Variants in GALNT13 observed in about 807,000 individuals in gnomAD.
GALNT13 encodes the protein UDP-GalNAc:polypeptide N-acetylgalactosaminyltransferase 13.
Under a neutral mutation model 64.2 loss-of-function variants are expected in GALNT13, and 28 were observed. The ratio of observed to expected loss-of-function variants is 0.44; its 90% CI spans 0.32 to 0.60. GALNT13 has a LOEUF of 0.60. GALNT13 is among the 20% of genes least tolerant of loss of function. The pLI is 0.05. For missense variants in GALNT13, 577 were observed against 669.8 expected, an observed-to-expected ratio of 0.86 and a Z score of 1.53; for synonymous variants, 214 against 224.6, an observed-to-expected ratio of 0.95 and a Z score of 0.42.
chr2:154,014,265 T>C (rs1696844385), intron 3 of GALNT13, among the ~76,000 whole-genome samples: 1 of 152,082 alleles, frequency 6.6e-6, no homozygotes, highest in Non-Finnish European at 1.5e-5. Context: ...TCAAAGCAGC[T>C]CTCGCTGCCA....
the GALNT13 span, among the ~76,000 whole-genome samples, chr2:153,543,460 A>G: frequency 6.6e-6 from 1 of 152,230 alleles, no homozygotes; most frequent in South Asian, 2.1e-4. Flanking sequence ...ACCTTTATTA[A>G]AGCATTTGTG....
chr2:154,211,335 AG>A (rs1189713968), intron 4 of GALNT13, among the ~76,000 whole-genome samples: 2 of 152,038 alleles, frequency 1.3e-5, no homozygotes, highest in East Asian at 3.9e-4. Context: ...ACATAGAAAA[AG>A]GTACAGTAGG....
the GALNT13 span, among the ~76,000 whole-genome samples, chr2:153,666,849 A>C: frequency 6.6e-6 from 1 of 152,170 alleles, no homozygotes; most frequent in Non-Finnish European, 1.5e-5. Context: ...TGGAATTCAG[A>C]ATCAGGGTGG....
the GALNT13 span, among the ~76,000 whole-genome samples, chr2:153,781,294 C>T: frequency 6.6e-6 from 1 of 152,182 alleles, no homozygotes; most frequent in Admixed American, 6.5e-5. Context: ...GTTAGATTAG[C>T]TTTGCCACTG....
At chr2:153,154,103 A>G in the GALNT13 span, among the ~76,000 whole-genome samples, 53 of 151,796 alleles carry the variant, frequency 3.5e-4, no homozygotes, top group East Asian at 8.8e-3. Context: ...CCCTGTAGAG[A>G]TCTTTTACCT....
the GALNT13 span, among the ~76,000 whole-genome samples, chr2:153,817,386 T>C: frequency 6.6e-6 from 1 of 152,176 alleles, no homozygotes; most frequent in Non-Finnish European, 1.5e-5. Flanking sequence ...TAGCAAGAAA[T>C]CTTCACCCTT....
chr2:153,584,127 T>C, the GALNT13 span, among the ~76,000 whole-genome samples: 1 of 152,128 alleles, frequency 6.6e-6, no homozygotes. Flanking sequence ...AAATTGTAGC[T>C]GTTGGGTTCA....
chr2:154,333,146 A>G lies in GALNT13; in HGVS notation c.1156+31557A>G, dbSNP rs369477958. Among the ~76,000 whole-genome samples the G allele has an allele frequency of 7.2e-4, 109 of 152,146 alleles. 1 individual carries two copies. The highest frequency in any genetic ancestry group is 2.4e-3 in the African/African-American group (100 of 41,530). The stretch of plus-strand genomic sequence containing the variant: ...CCCATCTTTTTCTTTCTGTATTGCC[A>G]GGACCTCCTTAGCCCTGCACCTGTG... On this transcript the variant is annotated intron_variant, in intron 9 of 12. Coordinates refer to ENST00000392825, the MANE Select transcript of GALNT13 (RefSeq NM_052917.4).
the GALNT13 span, among the ~76,000 whole-genome samples, chr2:153,071,819 A>G: frequency 6.6e-6 from 1 of 152,186 alleles, no homozygotes. Context: ...ACTAGCTAAG[A>G]ATGGTTTTTA....
At chr2:153,072,307 G>A in the GALNT13 span, among the ~76,000 whole-genome samples, 1 of 152,300 alleles carries the variant, frequency 6.6e-6, no homozygotes, top group South Asian at 2.1e-4. Context: ...GGAGCACAGC[G>A]TGGTGTGCCT....
At chr2:154,200,792 G>A (rs1687128992) in intron 4 of GALNT13, among the ~76,000 whole-genome samples, 1 of 152,042 alleles carries the variant, frequency 6.6e-6, no homozygotes, top group Non-Finnish European at 1.5e-5. Flanking sequence ...TTTAACACCT[G>A]AATTTTGGAG....
chr2:153,093,151 C>T, the GALNT13 span, among the ~76,000 whole-genome samples: 1 of 151,666 alleles, frequency 6.6e-6, no homozygotes, highest in East Asian at 1.9e-4. Context: ...TAGTGTACCA[C>T]ATTGATTACA....
chr2:154,090,078 T>C (rs1558951760), intron 3 of GALNT13, among the ~76,000 whole-genome samples: 1 of 152,108 alleles, frequency 6.6e-6, no homozygotes, highest in African/African-American at 2.4e-5. Context: ...AACAATATTA[T>C]CATTTGTGTA....
the GALNT13 span, among the ~76,000 whole-genome samples, chr2:153,225,806 T>A: frequency 6.6e-6 from 1 of 152,166 alleles, no homozygotes; most frequent in East Asian, 1.9e-4. Context: ...TCTAAAACAC[T>A]GATGAGAGAA....
intron 3 of GALNT13, among the ~76,000 whole-genome samples, chr2:154,024,597 T>TG (rs1333259907): frequency 3.3e-5 from 5 of 151,634 alleles, no homozygotes; most frequent in Admixed American, 2.6e-4. Flanking sequence ...ATTTGTCTAA[T>TG]TTTTTTTTCA....
chr2:153,419,418 T>TGA, the GALNT13 span, among the ~76,000 whole-genome samples: 1 of 152,322 alleles, frequency 6.6e-6, no homozygotes, highest in Admixed American at 6.5e-5. Context: ...GGATTTATAC[T>TGA]GACTGAAAAA....
At chr2:153,931,529 G>C (rs2105357112) in intron 2 of GALNT13, among the ~76,000 whole-genome samples, 1 of 152,036 alleles carries the variant, frequency 6.6e-6, no homozygotes, top group Admixed American at 6.6e-5. Flanking sequence ...CTCATTTCAT[G>C]CCTAGTTTGT....
chr2:154,052,339 T>C (rs908453826), intron 3 of GALNT13, among the ~76,000 whole-genome samples: 3 of 152,210 alleles, frequency 2.0e-5, no homozygotes, highest in African/African-American at 4.8e-5. Flanking sequence ...CATTCTATGT[T>C]TTAATCCAAT....
chr2:153,989,571 A>T (rs1198527866), intron 3 of GALNT13, among the ~76,000 whole-genome samples: 1 of 152,012 alleles, frequency 6.6e-6, no homozygotes, highest in Non-Finnish European at 1.5e-5. Context: ...TATCTGCAAA[A>T]ATGTGGAAGA....
Sources: allele counts gnomAD v4.1 joint callset (sites outside exome capture counted in the v4.1 genomes callset), GRCh38; gene constraint gnomAD v4.1.1; transcripts MANE v1.5; gene names NCBI Gene and HGNC (gene_info 2026-07-23, HGNC 2026-07-21).